The following CFAP20DC variants were observed in gnomAD, a reference collection of about 807,000 sequenced individuals.
The protein encoded by CFAP20DC is CFAP20 domain containing, also known as protein CFAP20DC.
In CFAP20DC, 84 loss-of-function variants were observed where a neutral mutation model predicts 101.7. The ratio of observed to expected loss-of-function variants is 0.83; its 90% CI spans 0.69 to 0.99. The LOEUF is 0.99. CFAP20DC is among the 50% of genes least tolerant of loss of function. CFAP20DC has a pLI of 0.00. For synonymous variants in CFAP20DC, 359 were observed against 351.2 expected (o/e 1.02, Z -0.25); for missense variants, 1,007 against 970.3 (o/e 1.04, Z -0.50).
chr3:58,848,889 A>C, intron 13 of CFAP20DC, 143 bp downstream of exon 13: 1 of 1,043,602 alleles, frequency 9.6e-7, no homozygotes, highest in Non-Finnish European at 1.3e-6. Context: ...TTACCAAACT[A>C]AAACACATCA....
chr3:58,785,653 T>C (rs1003785918), intron 15 of CFAP20DC, among the ~76,000 whole-genome samples: 6 of 152,110 alleles, frequency 3.9e-5, no homozygotes, highest in African/African-American at 1.4e-4. Flanking sequence ...CACAGCATCA[T>C]TGAAGATGTA....
intron 13 of CFAP20DC, among the ~76,000 whole-genome samples, chr3:58,838,914 T>C (rs1403863074): frequency 2.6e-5 from 4 of 152,224 alleles, no homozygotes; most frequent in Non-Finnish European, 4.4e-5. Context: ...AGGGCAACTA[T>C]AGCCTTGTAC....
intron 7 of CFAP20DC, among the ~76,000 whole-genome samples, chr3:58,884,111 G>C (rs984440390): frequency 6.6e-6 from 1 of 152,044 alleles, no homozygotes; most frequent in Non-Finnish European, 1.5e-5. Context: ...CTTTTTGAAA[G>C]GCAACACTGG....
chr3:58,783,397 G>C (rs2072019640), intron 15 of CFAP20DC, among the ~76,000 whole-genome samples: 1 of 151,666 alleles, frequency 6.6e-6, no homozygotes. Context: ...GTCCTCAAAA[G>C]CACAAACAAA....
At chr3:58,758,416 G>A (rs1272612855) in intron 15 of CFAP20DC, among the ~76,000 whole-genome samples, 1 of 151,980 alleles carries the variant, frequency 6.6e-6, no homozygotes, top group African/African-American at 2.4e-5. Context: ...TCGTGGGTTG[G>A]CTTCTTACCC....
chr3:58,904,857 T>C (rs963577216), intron 6 of CFAP20DC, among the ~76,000 whole-genome samples: 1 of 152,216 alleles, frequency 6.6e-6, no homozygotes, highest in African/African-American at 2.4e-5. Flanking sequence ...CCGTGGCTTC[T>C]GAAGGAATAA....
intron 15 of CFAP20DC, among the ~76,000 whole-genome samples, chr3:58,790,344 G>A (rs970976308): frequency 6.6e-6 from 1 of 152,188 alleles, no homozygotes; most frequent in African/African-American, 2.4e-5. Flanking sequence ...GGGTAGAAGA[G>A]GGTGGTTCCC....
rs188940326 is a variant in CFAP20DC, at chr3:58,971,763, G to C, written c.279-34001C>G. 6.6e-6 allele frequency among the ~76,000 whole-genome samples: 1 copy of C among 152,136 alleles called. No homozygotes were observed. The highest frequency in any genetic ancestry group is 6.6e-5 in the Admixed American group (1 of 15,242). On this transcript the variant is annotated intron_variant, in intron 4 of 16. Coordinates refer to ENST00000482387, the MANE Select transcript of CFAP20DC (RefSeq NM_001394063.1). The surrounding 1 kb of genome is among the most constrained non-coding windows in gnomAD (Gnocchi z 4.1). ...GGAAATCGTCTCAAGGCAGGTAACA[G>C]AGAAAGCCCCACTGTCACTACCAAA...
chr3:58,930,971 G>A (rs2086576367), intron 5 of CFAP20DC, among the ~76,000 whole-genome samples: 1 of 152,204 alleles, frequency 6.6e-6, no homozygotes, highest in African/African-American at 2.4e-5. Context: ...GCGAGGCATT[G>A]CCTCACTCGG....
At position 58,722,362 on chromosome 3, in the gene CFAP20DC, G is replaced by A. The variant is rs2067484884; in HGVS notation, c.198-4734C>T. 6.6e-6 allele frequency among the ~76,000 whole-genome samples: 1 copy of A among 152,176 alleles called. No individual in the cohort carries two copies. Among genetic ancestry groups the A allele is most frequent in the South Asian group, 2.1e-4 (1 of 4,822 alleles). ...ATGGTAGTGGTCTTATATCACTCAA[G>A]TTTGGGGTGGTTTGTTGTGCAGTGA... On this transcript the variant is annotated intron_variant, in intron 3 of 3. Transcript: ENST00000486145. This position sits in a 1 kb window ranked among gnomAD's most constrained non-coding sequence, Gnocchi z 4.5.
At position 58,882,752 on chromosome 3, in the gene CFAP20DC, A is replaced by G. The variant is rs1261387041; in HGVS notation, c.715+1793T>C. ...TCTAAATATAGTATATATAGTAAGCATACAAATTCCCATTGTGTGTGCCTG... is the reference window on the plus strand; with the variant it reads ...TCTAAATATAGTATATATAGTAAGCGTACAAATTCCCATTGTGTGTGCCTG... On this transcript the variant is annotated intron_variant, in intron 7 of 16. Transcript: ENST00000482387. The surrounding 1 kb of genome is among the most constrained non-coding windows in gnomAD (Gnocchi z 4.2). Among the ~76,000 whole-genome samples the G allele has an allele frequency of 6.6e-6, 1 of 152,228 alleles. No individual in the cohort carries two copies. The highest frequency in any genetic ancestry group is 1.5e-5 in the Non-Finnish European group (1 of 68,042).
At chr3:58,866,107 G>A (rs1559732221) in intron 11 of CFAP20DC, among the ~76,000 whole-genome samples, 2 of 152,200 alleles carry the variant, frequency 1.3e-5, no homozygotes, top group Non-Finnish European at 2.9e-5. Context: ...TTTCAACGTT[G>A]CATAAATAAG....
intron 14 of CFAP20DC, among the ~76,000 whole-genome samples, chr3:58,825,307 T>A (rs937386754): frequency 2.6e-5 from 4 of 152,162 alleles, no homozygotes; most frequent in African/African-American, 4.8e-5. Flanking sequence ...TGACAGTCAG[T>A]GTGAGCTTAC....
chr3:59,029,774 T>G (rs2093955014), intron 4 of CFAP20DC, among the ~76,000 whole-genome samples: 1 of 151,772 alleles, frequency 6.6e-6, no homozygotes, highest in African/African-American at 2.4e-5. Context: ...GCTCTAAGAG[T>G]GGGGCAGGCA....
At chr3:58,814,290 G>A (rs1414148339) in intron 14 of CFAP20DC, among the ~76,000 whole-genome samples, 2 of 151,784 alleles carry the variant, frequency 1.3e-5, no homozygotes, top group Admixed American at 6.6e-5. Flanking sequence ...TATCTTGTTA[G>A]TGACTCAGCC....
chr3:58,806,560 C>G (rs1416993364), intron 14 of CFAP20DC, 104 bp from the exon 15 acceptor site: 1 of 843,294 alleles, frequency 1.2e-6, no homozygotes, highest in Non-Finnish European at 2.0e-6. Flanking sequence ...AGACACAACC[C>G]ACAAGAAGGG....
At chr3:58,871,651 CCT>C (rs771405480) in intron 7 of CFAP20DC, among the ~76,000 whole-genome samples, 2 of 151,788 alleles carry the variant, frequency 1.3e-5, no homozygotes, top group Non-Finnish European at 2.9e-5. Context: ...GCCTCAGCCC[CCT>C]GAGTAGCTGG....
At position 58,861,738 on chromosome 3, in the gene CFAP20DC, A is replaced by C; in HGVS notation, c.1593+1820T>G. On this transcript the variant is annotated intron_variant, in intron 12 of 16. Coordinates refer to ENST00000482387, the MANE Select transcript of CFAP20DC (RefSeq NM_001394063.1). The surrounding 1 kb of genome is among the most constrained non-coding windows in gnomAD (Gnocchi z 4.0). Reference sequence around the variant, plus strand: ...CTGCCACTCTTAGTAGGCTCTGATTAAAGGGTGGTGAGTGCCAGTGTTGGC... The same window carrying C: ...CTGCCACTCTTAGTAGGCTCTGATTCAAGGGTGGTGAGTGCCAGTGTTGGC... 1.0e-6 allele frequency: 1 copy of C among 985,444 alleles called. No individual in the cohort carries two copies. The highest frequency in any genetic ancestry group is 1.2e-6 in the Non-Finnish European group (1 of 829,948). The allele number at this position is 985,444 out of a possible 1,614,324, so 61.0% of individuals were successfully genotyped here. A position where few individuals can be genotyped will look rare whatever the true frequency, so the allele number is the denominator to read the frequency against.
At chr3:58,719,716 C>T (rs1575510772) in intron 3 of CFAP20DC, among the ~76,000 whole-genome samples, 2 of 152,224 alleles carry the variant, frequency 1.3e-5, no homozygotes, top group African/African-American at 4.8e-5. Flanking sequence ...GGTTTGGCTT[C>T]TCTCTTCCCA....
Sources: gnomAD v4.1 joint callset for allele counts (sites outside exome capture counted in the v4.1 genomes callset) on GRCh38, gnomAD v4.1.1 for gene constraint, Gnocchi (gnomAD v3.1) non-coding constraint, MANE v1.5 for transcripts, NCBI Gene and HGNC (gene_info 2026-07-23, HGNC 2026-07-21) for gene names.